Variants in AGBL1 observed in about 807,000 individuals in gnomAD.
AGBL1 encodes cytosolic carboxypeptidase 4.
A neutral mutation model predicts 118.9 loss-of-function variants in AGBL1; 130 were observed. The observed-to-expected ratio is 1.09, with a 90% CI of 0.95 to 1.26. The LOEUF (loss-of-function observed/expected upper bound fraction) is 1.26. Among genes scored for constraint, AGBL1 ranks in the 50% most tolerant of loss-of-function variants. The probability of loss-of-function intolerance (pLI) is 0.00; values close to 1 mark genes in which losing one functional copy is unlikely to be tolerated. For missense variants in AGBL1, 1,584 were observed against 1,298.1 expected (o/e 1.22, Z -3.38); for synonymous variants, 555 against 478.9 (o/e 1.16, Z -2.08).
At chr15:86,429,306 C>A (rs949057806) in intron 18 of AGBL1, among the ~76,000 whole-genome samples, 45 of 152,274 alleles carry the variant, frequency 3.0e-4, no homozygotes, top group African/African-American at 1.0e-3. Flanking sequence ...AGTCTTATGG[C>A]AAAACTCCAT....
intron 18 of AGBL1, among the ~76,000 whole-genome samples, chr15:86,456,282 CAAAGGACTTATCACTCCAGA>C (rs1343668345): frequency 6.6e-6 from 1 of 152,176 alleles, no homozygotes; most frequent in Non-Finnish European, 1.5e-5. Flanking sequence ...AAAAAAGACA[CAAAGGACTTATCACTCCAGA>C]AAGCTATCTT....
intron 22 of AGBL1, among the ~76,000 whole-genome samples, chr15:86,763,704 G>T (rs2078058806): frequency 6.6e-6 from 1 of 151,964 alleles, no homozygotes; most frequent in Admixed American, 6.6e-5. Flanking sequence ...CTGTGTCCTA[G>T]CCCTGGCACT....
At chr15:86,769,801 A>T (rs2141286339) in intron 22 of AGBL1, among the ~76,000 whole-genome samples, 1 of 152,094 alleles carries the variant, frequency 6.6e-6, no homozygotes, top group East Asian at 1.9e-4. Flanking sequence ...CATGTTTGGG[A>T]TGAGTATATT....
At chr15:86,113,299 T>C (rs568765088) in intron 1 of AGBL1, among the ~76,000 whole-genome samples, 336 of 138,128 alleles carry the variant, frequency 2.4e-3, no homozygotes, top group African/African-American at 8.5e-3. Context: ...TTTTTTTTTT[T>C]TTTTTGGAGA....
At chr15:86,741,145 G>T (rs2077671887) in intron 22 of AGBL1, among the ~76,000 whole-genome samples, 1 of 151,848 alleles carries the variant, frequency 6.6e-6, no homozygotes, top group Non-Finnish European at 1.5e-5. Context: ...CAAGTTAGGG[G>T]ACCACTGTGG....
intron 18 of AGBL1, among the ~76,000 whole-genome samples, chr15:86,473,673 C>T (rs2082512890): frequency 6.6e-6 from 1 of 152,062 alleles, no homozygotes; most frequent in Admixed American, 6.5e-5. Flanking sequence ...TATCATAGGA[C>T]TGGAAAACAA....
chr15:86,791,607 C>T (rs1376289873), intron 22 of AGBL1, among the ~76,000 whole-genome samples: 3 of 152,138 alleles, frequency 2.0e-5, no homozygotes, highest in South Asian at 4.2e-4. Context: ...CATTGAAACT[C>T]TCTTGGATAC....
intron 22 of AGBL1, among the ~76,000 whole-genome samples, chr15:86,817,624 C>T (rs1315037373): frequency 2.2e-5 from 3 of 139,432 alleles, no homozygotes; most frequent in African/African-American, 8.0e-5. Context: ...AAGAGACAGG[C>T]ATACACACAC....
intron 24 of AGBL1, among the ~76,000 whole-genome samples, chr15:87,007,487 A>G (rs927263358): frequency 6.6e-6 from 1 of 152,166 alleles, no homozygotes; most frequent in African/African-American, 2.4e-5. Flanking sequence ...GGTATTTCTG[A>G]TTTCTTTACA....
chr15:86,325,761 C>T (rs541402994), intron 17 of AGBL1, among the ~76,000 whole-genome samples: 51 of 152,188 alleles, frequency 3.4e-4, no homozygotes, highest in Non-Finnish European at 6.3e-4. Context: ...TTGGACTATA[C>T]TGGAAATATA....
At chr15:86,200,562 C>CT (rs1311807927) in intron 5 of AGBL1, among the ~76,000 whole-genome samples, 1,125 of 94,924 alleles carry the variant, frequency 0.012, 38 homozygotes, top group African/African-American at 0.031. Context: ...CCCCCCCCCC[C>CT]TTTTTTTTTT....
chr15:87,014,310 A>C (rs985174019), intron 24 of AGBL1, among the ~76,000 whole-genome samples: 1 of 152,220 alleles, frequency 6.6e-6, no homozygotes, highest in East Asian at 1.9e-4. Context: ...TCTTATTTCA[A>C]TTTTCCCTCT....
intron 1 of AGBL1, among the ~76,000 whole-genome samples, chr15:86,092,112 A>G (rs1896069194): frequency 6.6e-6 from 1 of 152,156 alleles, no homozygotes; most frequent in Non-Finnish European, 1.5e-5. Flanking sequence ...CAAAATAAAT[A>G]TAACATGGTT....
At chr15:86,664,972 A>G (rs7183096) in intron 21 of AGBL1, among the ~76,000 whole-genome samples, 1 of 151,944 alleles carries the variant, frequency 6.6e-6, no homozygotes, top group Non-Finnish European at 1.5e-5. Context: ...GAAAACACAC[A>G]AAGAAAATAT....
intron 17 of AGBL1, among the ~76,000 whole-genome samples, chr15:86,336,100 C>T (rs1282223599): frequency 1.3e-5 from 2 of 152,158 alleles, no homozygotes; most frequent in African/African-American, 4.8e-5. Flanking sequence ...ATCCAGAATT[C>T]GAAGAAGCAG....
At chr15:86,226,389 C>G (rs968592729) in intron 6 of AGBL1, among the ~76,000 whole-genome samples, 4 of 152,138 alleles carry the variant, frequency 2.6e-5, no homozygotes, top group Non-Finnish European at 5.9e-5. Flanking sequence ...GAAGCTATCT[C>G]TCAAATCCCC....
rs1233659879 is a variant in AGBL1 at position 86,914,070 on chromosome 15, G to A, written c.*6776G>A. On this transcript the variant is annotated 3_prime_UTR_variant, in exon 23 of 23. Transcript: ENST00000614907. ...AGCTATTCAGTTAAAGTGTCTGAGT[G>A]TAGCCCTGGTCTTGAAGGGCAGGGC... is the stretch of plus-strand genomic sequence containing the variant. 1 of 152,202 alleles carries A rather than the reference G, an allele frequency of 6.6e-6. No homozygotes were observed. The highest frequency in any genetic ancestry group is 1.5e-5 in the Non-Finnish European group (1 of 68,036). 9.4% of individuals were successfully genotyped at this position (152,202 alleles called of 1,614,324 possible).
intron 18 of AGBL1, among the ~76,000 whole-genome samples, chr15:86,407,107 T>C (rs1167766546): frequency 3.3e-5 from 5 of 152,206 alleles, no homozygotes; most frequent in Admixed American, 3.3e-4. Context: ...CTACACATTA[T>C]CAACCTTTTC....
chr15:86,560,099 T>C (rs2083793193), intron 21 of AGBL1, among the ~76,000 whole-genome samples: 1 of 152,164 alleles, frequency 6.6e-6, no homozygotes, highest in Admixed American at 6.5e-5. Context: ...CAGTGTAATG[T>C]GAAGCCCTTA....
Sources: gnomAD v4.1 joint callset for allele counts (sites outside exome capture counted in the v4.1 genomes callset) on GRCh38, gnomAD v4.1.1 for gene constraint, MANE v1.5 for transcripts, NCBI Gene and HGNC (gene_info 2026-07-23, HGNC 2026-07-21) for gene names.